Variants in ZNF536 observed in about 807,000 individuals in gnomAD.
ZNF536 encodes zinc finger protein 536.
In ZNF536, 13 loss-of-function variants were observed where a neutral mutation model predicts 84.5. The observed-to-expected ratio is 0.15, with a 90% CI of 0.10 to 0.24. The LOEUF (loss-of-function observed/expected upper bound fraction) is 0.24, where lower values mean the gene tolerates loss of function less well. Among genes scored for constraint, ZNF536 ranks in the 10% least tolerant of loss-of-function variants. The pLI is 1.00. For missense variants in ZNF536, 1,536 were observed against 1,747.5 expected (o/e 0.88, Z 2.16); for synonymous variants, 811 against 742.5 (o/e 1.09, Z -1.50).
At chr19:30,663,237 C>T (rs1025291120) in intron 1 of ZNF536, among the ~76,000 whole-genome samples, 1 of 151,988 alleles carries the variant, frequency 6.6e-6, no homozygotes, top group Non-Finnish European at 1.5e-5. Flanking sequence ...TAATGCTGTG[C>T]TTTAACTTAA....
chr19:30,394,630 C>T (rs2049737431), intron 1 of ZNF536, among the ~76,000 whole-genome samples: 1 of 152,218 alleles, frequency 6.6e-6, no homozygotes, highest in South Asian at 2.1e-4. Flanking sequence ...TGTCTTCTTC[C>T]ATCTCTGGTG....
At chr19:30,270,175 C>A (rs948290229) in intron 1 of ZNF536, among the ~76,000 whole-genome samples, 11 of 152,110 alleles carry the variant, frequency 7.2e-5, no homozygotes, top group Non-Finnish European at 1.6e-4. Context: ...AACATAAGAC[C>A]CACCAGCCGA....
chr19:30,260,568 G>T (rs1033380182), intron 1 of ZNF536, among the ~76,000 whole-genome samples: 1 of 152,228 alleles, frequency 6.6e-6, no homozygotes, highest in Non-Finnish European at 1.5e-5. Flanking sequence ...AGCTTTCTTG[G>T]CAGTGAGAGA....
At chr19:30,483,953 C>T (rs562060215) in intron 2 of ZNF536, among the ~76,000 whole-genome samples, 16 of 152,142 alleles carry the variant, frequency 1.1e-4, no homozygotes, top group Non-Finnish European at 2.4e-4. Context: ...GTGTTCAGCT[C>T]TCTCTACTGG....
chr19:30,328,895 T>C (rs1294144023), intron 2 of ZNF536, among the ~76,000 whole-genome samples: 1 of 152,240 alleles, frequency 6.6e-6, no homozygotes, highest in Non-Finnish European at 1.5e-5. Context: ...CATTTTGTTC[T>C]CGATTTCTCT....
chr19:30,286,522 GAC>G (rs2045633326), intron 2 of ZNF536, among the ~76,000 whole-genome samples: 2 of 132,902 alleles, frequency 1.5e-5, no homozygotes, highest in African/African-American at 3.3e-5. Context: ...GAGAGACAGA[GAC>G]AGAGACAGAG....
intron 1 of ZNF536, among the ~76,000 whole-genome samples, chr19:30,672,321 T>A (rs1418376928): frequency 1.3e-5 from 2 of 152,240 alleles, no homozygotes; most frequent in East Asian, 3.8e-4. Context: ...GTTGCTCAGG[T>A]GTGTTTCTGG....
intron 2 of ZNF536, among the ~76,000 whole-genome samples, chr19:30,515,341 C>T (rs1184051131): frequency 6.6e-6 from 1 of 152,214 alleles, no homozygotes; most frequent in Non-Finnish European, 1.5e-5. Context: ...GCTTTGAAAG[C>T]ACATAGAATG....
chr19:30,604,021 C>T (rs2047784588), intron 1 of ZNF536, among the ~76,000 whole-genome samples: 1 of 152,060 alleles, frequency 6.6e-6, no homozygotes, highest in Non-Finnish European at 1.5e-5. Context: ...ACCTGGGAGG[C>T]CGAGGCTGCA....
intron 1 of ZNF536, among the ~76,000 whole-genome samples, chr19:30,591,782 A>G (rs2047286311): frequency 6.6e-6 from 1 of 152,182 alleles, no homozygotes; most frequent in South Asian, 2.1e-4. Context: ...TTATTGAAGG[A>G]CAAGAGAAAC....
chr19:30,693,295 C>T lies in ZNF536; in HGVS notation c.170-17462C>T, dbSNP rs549237300. The stretch of plus-strand genomic sequence containing the variant: ...GGATGATACCAAGATGGCGTGTAGA[C>T]TGCATTATGCAATACAGTCCTGATG... On this transcript the variant is annotated intron_variant, in intron 1 of 1. Coordinates refer to the ZNF536 transcript ENST00000592773. Among the ~76,000 whole-genome samples, 886 of 152,266 alleles carry T rather than the reference C, an allele frequency of 5.8e-3. 6 individuals carry two copies. The highest frequency in any genetic ancestry group is 0.02 in the African/African-American group (846 of 41,548).
chr19:30,266,561 G>A (rs2025525529), intron 1 of ZNF536, among the ~76,000 whole-genome samples: 1 of 152,094 alleles, frequency 6.6e-6, no homozygotes, highest in African/African-American at 2.4e-5. Flanking sequence ...ATATTTATTT[G>A]AAATTCTGTG....
At chr19:30,400,383 C>T (rs1198183023) in intron 1 of ZNF536, among the ~76,000 whole-genome samples, 2 of 152,198 alleles carry the variant, frequency 1.3e-5, no homozygotes, top group African/African-American at 4.8e-5. Context: ...GCATCCTCAG[C>T]AGCATTTAGT....
Position 30,557,514 on chromosome 19 carries a change from G to A in ZNF536, c.*350G>A. 3 of 213,736 alleles carry A rather than the reference G, an allele frequency of 1.4e-5. No homozygotes were observed. The highest frequency in any genetic ancestry group is 2.7e-4 in the South Asian group (2 of 7,500). 13.2% of individuals were successfully genotyped at this position (213,736 alleles called of 1,614,324 possible). On this transcript the variant is annotated 3_prime_UTR_variant, in exon 5 of 5. Coordinates refer to ENST00000355537, the MANE Select transcript of ZNF536 (RefSeq NM_014717.3). ...CTTCACCTGTGGACAACCTGGCTGGGGGTGGGGGGCTGTTCCACCAGCTCA... is the reference window on the plus strand; with the variant it reads ...CTTCACCTGTGGACAACCTGGCTGGAGGTGGGGGGCTGTTCCACCAGCTCA...
chr19:30,563,989 G>A (rs984190211), intron 1 of ZNF536, among the ~76,000 whole-genome samples: 1 of 152,188 alleles, frequency 6.6e-6, no homozygotes, highest in African/African-American at 2.4e-5. Flanking sequence ...AGGGGCCTGG[G>A]ATGGGGGGAC....
At chr19:30,623,024 T>TTTTTTTTG (rs1319219779) in intron 1 of ZNF536, among the ~76,000 whole-genome samples, 1 of 149,856 alleles carries the variant, frequency 6.7e-6, no homozygotes, top group African/African-American at 2.5e-5. Flanking sequence ...TCTTGTGTTT[T>TTTTTTTTG]TTTTTTTGTT....
At chr19:30,630,624 T>C (rs1018640755) in intron 1 of ZNF536, among the ~76,000 whole-genome samples, 2 of 152,166 alleles carry the variant, frequency 1.3e-5, no homozygotes, top group African/African-American at 4.8e-5. Flanking sequence ...AAAAATCCTC[T>C]GTTCTCCAGA....
At chr19:30,441,882 C>A (rs542480058) in intron 1 of ZNF536, among the ~76,000 whole-genome samples, 1 of 152,222 alleles carries the variant, frequency 6.6e-6, no homozygotes, top group Admixed American at 6.5e-5. Flanking sequence ...GAAGTCAGGT[C>A]TCCCATTGGA....
At chr19:30,420,507 G>A (rs1639481798) in intron 1 of ZNF536, among the ~76,000 whole-genome samples, 1 of 152,172 alleles carries the variant, frequency 6.6e-6, no homozygotes, top group Non-Finnish European at 1.5e-5. Flanking sequence ...CATCATCAAA[G>A]TCTTAGAAAA....
Sources: allele counts gnomAD v4.1 joint callset (sites outside exome capture counted in the v4.1 genomes callset), GRCh38; gene constraint gnomAD v4.1.1; transcripts MANE v1.5; gene names NCBI Gene and HGNC (gene_info 2026-07-23, HGNC 2026-07-21).